Variants in FBLN1 observed in about 807,000 individuals in gnomAD.
FBLN1 encodes the protein fibulin-1.
FBLN1 carries 34 observed loss-of-function variants against 89.7 expected under a neutral mutation model. The ratio of observed to expected loss-of-function variants is 0.38; its 90% CI spans 0.29 to 0.50. FBLN1 has a LOEUF of 0.50. Ranked by LOEUF, FBLN1 falls within the 20% of genes least tolerant of loss-of-function variation. The pLI, the probability that FBLN1 is intolerant of heterozygous loss-of-function variation, is 0.92. For synonymous variants in FBLN1, 393 were observed against 391.3 expected, an observed-to-expected ratio of 1.00 and a Z score of -0.05; for missense variants, 777 against 988.1, an observed-to-expected ratio of 0.79 and a Z score of 2.86.
intron 1 of FBLN1, among the ~76,000 whole-genome samples, chr22:45,510,271 T>C (rs1343734036): frequency 6.6e-6 from 1 of 152,182 alleles, no homozygotes; most frequent in Non-Finnish European, 1.5e-5. Context: ...GGGCCGGCTT[T>C]GTAGAGGTCC....
In FBLN1 at chr22:45,537,776, GC is replaced by G. The variant is rs1311586026; in HGVS notation, c.922+2443del. ...GGCGCTGTGGCTCAGCTGCCAGTTGGCCCCTCGCCAGTCCCTTGCCAGCAGG... is the reference window on the plus strand; with the variant it reads ...GGCGCTGTGGCTCAGCTGCCAGTTGGCCCTCGCCAGTCCCTTGCCAGCAGG... On this transcript the variant is annotated intron_variant, in intron 8 of 16. Transcript: ENST00000327858. The surrounding 1 kb of genome is among the most constrained non-coding windows in gnomAD (Gnocchi z 5.7). 6.6e-6 allele frequency among the ~76,000 whole-genome samples: 1 copy of G among 152,168 alleles called. No homozygotes were observed. Among genetic ancestry groups the G allele is most frequent in the Non-Finnish European group, 1.5e-5 (1 of 68,024 alleles).
Position 45,557,062 on chromosome 22 carries a change from G to A in FBLN1, c.1697+6447G>A, listed in dbSNP as rs1227750072. Among the ~76,000 whole-genome samples, 1 of 152,138 alleles carries A rather than the reference G, an allele frequency of 6.6e-6. No homozygotes were observed. Among genetic ancestry groups the A allele is most frequent in the Non-Finnish European group, 1.5e-5 (1 of 68,022 alleles). The stretch of plus-strand genomic sequence containing the variant: ...CTGTCACCTAGTTGGCATTGTAATT[G>A]TGACTTCAAAAGGCCATTCCACTAT... On this transcript the variant is annotated intron_variant, in intron 14 of 16. Coordinates refer to ENST00000327858, the MANE Select transcript of FBLN1 (RefSeq NM_006486.3). The surrounding 1 kb of genome is among the most constrained non-coding windows in gnomAD (Gnocchi z 4.9).
Position 45,572,625 on chromosome 22 carries a change from G to A in FBLN1, c.1698-1886G>A, listed in dbSNP as rs989223729. On this transcript the variant is annotated intron_variant, in intron 14 of 16. Transcript: ENST00000327858. This position sits in a 1 kb window ranked among gnomAD's most constrained non-coding sequence, Gnocchi z 5.8. ...AAATGGAAGTGAAGTGGTAGAACCA[G>A]ACTATCGGCATTTTGCAATCCTTGA... 6.6e-6 allele frequency among the ~76,000 whole-genome samples: 1 copy of A among 152,254 alleles called. No homozygotes were observed. Among genetic ancestry groups the A allele is most frequent in the Non-Finnish European group, 1.5e-5 (1 of 68,050 alleles).
At position 45,525,623 on chromosome 22, in the gene FBLN1, A is replaced by T; in HGVS notation, c.266A>T (p.Asp89Val). 1 of 1,551,126 alleles carries T rather than the reference A, an allele frequency of 6.4e-7. No individual in the cohort carries two copies. Among genetic ancestry groups the T allele is most frequent in the Non-Finnish European group, 8.7e-7 (1 of 1,146,948 alleles). The change falls in exon 3 of 17, where the codon GAC (aspartate) becomes GTC (valine). Residue 89 changes from aspartate to valine, a missense_variant. Asp to Val is a radical substitution (Grantham distance 152). Transcript: ENST00000327858. ...GGCATCAGCCTGGCCAACGAGCAGGACCGCTGTGCCACGCCCCACGGTGAC... is the reference window on the plus strand; with the variant it reads ...GGCATCAGCCTGGCCAACGAGCAGGTCCGCTGTGCCACGCCCCACGGTGAC... ...ATGISLANEQ[D>V]RCATPHGDNA... is the part of the protein sequence containing the mutation.
intron 1 of FBLN1, among the ~76,000 whole-genome samples, chr22:45,510,444 G>A (rs975210987): frequency 1.1e-4 from 17 of 152,094 alleles, no homozygotes; most frequent in Admixed American, 2.6e-4. Flanking sequence ...GACTTGCTCC[G>A]GGTGGGAAAA....
rs1327525333 is a variant in FBLN1 at position 45,527,882 on chromosome 22, C to T, written c.357C>T (p.Ala119=). 6.2e-7 allele frequency: 1 copy of T among 1,614,092 alleles called. No individual in the cohort carries two copies. The highest frequency in any genetic ancestry group is 8.5e-7 in the Non-Finnish European group (1 of 1,180,040). ...ATTGCTGTCTGCTGGGGAGGGCGGC[C>T]CAGGCCCAGGGCCAGAGCTGCGAGT... ...CCHCCLLGRA[A]QAQGQSCEYS... The change falls in exon 4 of 17, where the codon GCC becomes GCT. Residue 119 remains alanine (A), a synonymous_variant. Transcript: ENST00000327858.
chr22:45,568,177 T>C (rs2088914445), intron 14 of FBLN1, among the ~76,000 whole-genome samples: 1 of 152,250 alleles, frequency 6.6e-6, no homozygotes, highest in African/African-American at 2.4e-5. Context: ...CTGTGAATGA[T>C]ACTCTTTCTC....
In FBLN1 at chr22:45,563,398, G is replaced by T; in HGVS notation, c.1698-11113G>T. 2 of 1,526,646 alleles carry T rather than the reference G, an allele frequency of 1.3e-6. No individual in the cohort carries two copies. Among genetic ancestry groups the T allele is most frequent in the South Asian group, 2.4e-5 (2 of 82,936 alleles). The allele number at this position is 1,526,646 out of a possible 1,614,324, so 94.6% of individuals were successfully genotyped here. On this transcript the variant is annotated intron_variant, in intron 14 of 16. Coordinates refer to ENST00000327858, the MANE Select transcript of FBLN1 (RefSeq NM_006486.3). This position sits in a 1 kb window ranked among gnomAD's most constrained non-coding sequence, Gnocchi z 5.7. ...CCTTGGTTTTATTTGGCATGGTTGG[G>T]AGTCTGTGCCGCTTGTTACCCGGGG...
rs545996149 is a variant in FBLN1, at chr22:45,572,849, C to T, written c.1698-1662C>T. The stretch of plus-strand genomic sequence containing the variant: ...GACAGAGGACCATGCTGAACTGCAC[C>T]GTGAGGATGCAATCAGCAAAGTCCA... On this transcript the variant is annotated intron_variant, in intron 14 of 16. Transcript: ENST00000327858. This position sits in a 1 kb window ranked among gnomAD's most constrained non-coding sequence, Gnocchi z 5.8. Among the ~76,000 whole-genome samples, 37 of 152,330 alleles carry T rather than the reference C, an allele frequency of 2.4e-4. No individual in the cohort carries two copies. Among genetic ancestry groups the T allele is most frequent in the Non-Finnish European group, 4.4e-4 (30 of 68,028 alleles).
Position 45,572,437 on chromosome 22 carries a change from T to C in FBLN1, c.1698-2074T>C, listed in dbSNP as rs934107106. Among the ~76,000 whole-genome samples, 3 of 152,282 alleles carry C rather than the reference T, an allele frequency of 2.0e-5. No individual in the cohort carries two copies. Among genetic ancestry groups the C allele is most frequent in the South Asian group, 2.1e-4 (1 of 4,826 alleles). On this transcript the variant is annotated intron_variant, in intron 14 of 16. Transcript: ENST00000327858. The surrounding 1 kb of genome is among the most constrained non-coding windows in gnomAD (Gnocchi z 5.8). Reference sequence around the variant, plus strand: ...TCATGGGTTCATACTGATTTTTTTTTCCCCAAAAATCCTTTGGAGAATGAT... The same window carrying C: ...TCATGGGTTCATACTGATTTTTTTTCCCCCAAAAATCCTTTGGAGAATGAT...
chr22:45,547,643 T>A (rs2088649557), intron 12 of FBLN1, among the ~76,000 whole-genome samples: 2 of 152,056 alleles, frequency 1.3e-5, no homozygotes, highest in African/African-American at 4.8e-5. Flanking sequence ...CAAGTGATCC[T>A]CTTGCTTCAG....
At chr22:45,528,135 C>A in intron 4 of FBLN1, 126 bp downstream of exon 4, 1 of 1,096,412 alleles carries the variant, frequency 9.1e-7, no homozygotes, top group Non-Finnish European at 1.4e-6. Flanking sequence ...GCTGGCAAGT[C>A]CAAAATCTGC....
intron 1 of FBLN1, among the ~76,000 whole-genome samples, chr22:45,508,077 C>A (rs2088047729): frequency 6.6e-6 from 1 of 152,112 alleles, no homozygotes; most frequent in Non-Finnish European, 1.5e-5. Context: ...CCCAGTTCAC[C>A]TGTGTTACCT....
At position 45,597,052 on chromosome 22, in the gene FBLN1, A is replaced by G. The variant is rs1282316383; in HGVS notation, c.1973-3255A>G. 6.6e-6 allele frequency among the ~76,000 whole-genome samples: 1 copy of G among 151,966 alleles called. No individual in the cohort carries two copies. The highest frequency in any genetic ancestry group is 1.5e-5 in the Non-Finnish European group (1 of 67,992). On this transcript the variant is annotated intron_variant, in intron 16 of 16. Coordinates refer to ENST00000327858, the MANE Select transcript of FBLN1 (RefSeq NM_006486.3). This position sits in a 1 kb window ranked among gnomAD's most constrained non-coding sequence, Gnocchi z 4.2. ...GATCTTGCTCTGTCACCCAGGCTAG[A>G]ATGCAGTGGCACAATCTTGGCTCAT... is the stretch of plus-strand genomic sequence containing the variant.
chr22:45,552,162 A>G (rs1252781403), intron 14 of FBLN1, among the ~76,000 whole-genome samples: 1 of 152,266 alleles, frequency 6.6e-6, no homozygotes, highest in Non-Finnish European at 1.5e-5. Context: ...GTCCCCGCAC[A>G]GGCTCCGCCT....
intron 1 of FBLN1, among the ~76,000 whole-genome samples, chr22:45,511,719 G>T (rs1214446949): frequency 6.6e-6 from 1 of 152,126 alleles, no homozygotes; most frequent in Non-Finnish European, 1.5e-5. Flanking sequence ...AAAGTGCTGA[G>T]ATTACACCCA....
In FBLN1 at chr22:45,551,301, G is replaced by A. The variant is rs545207074; in HGVS notation, c.1697+686G>A. On this transcript the variant is annotated intron_variant, in intron 14 of 16. Coordinates refer to ENST00000327858, the MANE Select transcript of FBLN1 (RefSeq NM_006486.3). The stretch of plus-strand genomic sequence containing the variant: ...TCAGGAAAAGCTCCATGCTGGGACC[G>A]ATCTCAGGACTGTGGACTTGTGACC... Among the ~76,000 whole-genome samples, 8 of 152,326 alleles carry A rather than the reference G, an allele frequency of 5.3e-5. No individual in the cohort carries two copies. In the East Asian group the frequency reaches 5.8e-4, roughly 11 times the overall value.
chr22:45,527,161 G>A (rs1005499990), intron 3 of FBLN1, among the ~76,000 whole-genome samples: 4 of 152,174 alleles, frequency 2.6e-5, no homozygotes, highest in African/African-American at 9.7e-5. Flanking sequence ...AAAGTTCTGT[G>A]CTCCTCTTAG....
At chr22:45,554,758 G>T (rs1274662078) in intron 14 of FBLN1, among the ~76,000 whole-genome samples, 1 of 152,190 alleles carries the variant, frequency 6.6e-6, no homozygotes, top group Non-Finnish European at 1.5e-5. Context: ...GGTCCTCTGG[G>T]GCTCCGCACC....
Sources: allele counts gnomAD v4.1 joint callset (sites outside exome capture counted in the v4.1 genomes callset), GRCh38; gene constraint gnomAD v4.1.1; non-coding constraint Gnocchi (gnomAD v3.1); transcripts MANE v1.5; gene names NCBI Gene and HGNC (gene_info 2026-07-23, HGNC 2026-07-21).